The following PROSER2 variants were observed in gnomAD, a reference collection of about 807,000 sequenced individuals.
PROSER2 encodes proline and serine-rich protein 2.
Under a neutral mutation model 14.6 loss-of-function variants are expected in PROSER2, and 18 were observed. The ratio of observed to expected loss-of-function variants is 1.23; its 90% CI spans 0.85 to 1.83. The LOEUF (loss-of-function observed/expected upper bound fraction) is 1.83, where lower values mean the gene tolerates loss of function less well. PROSER2 is among the 40% of genes most tolerant of loss of function. The pLI is 0.00. For synonymous variants in PROSER2, 367 were observed against 286.4 expected (o/e 1.28, Z -2.84); for missense variants, 823 against 629.8 (o/e 1.31, Z -3.28).
chr10:11,834,319 G>C (rs116878542), intron 1 of PROSER2, among the ~76,000 whole-genome samples: 1,663 of 151,842 alleles, frequency 0.011, 8 homozygotes, highest in Non-Finnish European at 0.02. Flanking sequence ...TAGGAGACCT[G>C]GTTCAAATTG....
chr10:11,870,018 C>T lies in PROSER2; in HGVS notation c.920C>T (p.Pro307Leu), dbSNP rs1834442054. The change falls in exon 4 of 4, where the codon CCA becomes CTA. Residue 307 changes from proline to leucine, a missense_variant. Coordinates refer to ENST00000277570, the MANE Select transcript of PROSER2 (RefSeq NM_153256.4). ...GCGGGGGACGCCGGCGAGGGGGCCC[C>T]AGGGGGCGGCTCCTCCCCGGAGCGG... Reference protein sequence around the residue: ...PAAGDAGEGAPGGGSSPERVA... With the variant: ...PAAGDAGEGALGGGSSPERVA... The T allele has an allele frequency of 1.6e-6, 2 of 1,243,318 alleles. No individual in the cohort carries two copies. Among genetic ancestry groups the T allele is most frequent in the Non-Finnish European group, 2.0e-6 (2 of 994,744 alleles). The allele number at this position is 1,243,318 out of a possible 1,614,324, so 77.0% of individuals were successfully genotyped here. A position where few individuals can be genotyped will look rare whatever the true frequency, so the allele number is the denominator to read the frequency against.
At chr10:11,851,096 G>A (rs2131069640) in intron 1 of PROSER2, 1 of 152,476 alleles carries the variant, frequency 6.6e-6, no homozygotes, top group South Asian at 2.1e-4. Flanking sequence ...CAAGCCTGTA[G>A]TCCCAGCTAC....
chr10:11,843,086 GCC>G (rs1833871667), intron 1 of PROSER2, among the ~76,000 whole-genome samples: 1 of 149,740 alleles, frequency 6.7e-6, no homozygotes, highest in East Asian at 2.0e-4. Flanking sequence ...GATTACAGGC[GCC>G]CGCCACCATG....
chr10:11,852,300 AC>A, intron 2 of PROSER2, 85 bp downstream of exon 2: 1 of 1,425,868 alleles, frequency 7.0e-7, no homozygotes, highest in Non-Finnish European at 9.4e-7. Context: ...GGAATATTTT[AC>A]CAGATCTTTT....
rs1834329045 is a variant in PROSER2 at position 11,865,583 on chromosome 10, G to T, written c.139-948G>T. On this transcript the variant is annotated intron_variant, in intron 2 of 3. Transcript: ENST00000277570. This position sits in a 1 kb window ranked among gnomAD's most constrained non-coding sequence, Gnocchi z 4.2. Reference sequence around the variant, plus strand: ...TTCGTTGACTGTAATCTTTACCTGTGGATTGATCTTGCTGGGGAACCCTTG... The same window carrying T: ...TTCGTTGACTGTAATCTTTACCTGTTGATTGATCTTGCTGGGGAACCCTTG... Among the ~76,000 whole-genome samples the T allele has an allele frequency of 6.6e-6, 1 of 152,216 alleles. No homozygotes were observed. Among genetic ancestry groups the T allele is most frequent in the Non-Finnish European group, 1.5e-5 (1 of 68,032 alleles).
At chr10:11,853,305 T>G (rs1044901173) in intron 2 of PROSER2, among the ~76,000 whole-genome samples, 49 of 152,332 alleles carry the variant, frequency 3.2e-4, no homozygotes, top group African/African-American at 1.2e-3. Flanking sequence ...ATTATTTGAT[T>G]GGCCGGGCAC....
chr10:11,845,878 G>C (rs553460261), intron 1 of PROSER2, among the ~76,000 whole-genome samples: 7 of 152,276 alleles, frequency 4.6e-5, no homozygotes, highest in Admixed American at 2.6e-4. Context: ...TGGTTCTGGT[G>C]GGGGGACCCT....
chr10:11,835,392 A>G (rs1833746592), intron 1 of PROSER2, among the ~76,000 whole-genome samples: 1 of 152,210 alleles, frequency 6.6e-6, no homozygotes, highest in Admixed American at 6.5e-5. Flanking sequence ...GTGTGTCATG[A>G]TAACTAGGGT....
intron 1 of PROSER2, among the ~76,000 whole-genome samples, chr10:11,834,671 G>T (rs1034100270): frequency 6.6e-6 from 1 of 152,136 alleles, no homozygotes; most frequent in Non-Finnish European, 1.5e-5. Flanking sequence ...GGTGGTGGAG[G>T]TTGCAGTGAG....
In PROSER2 at chr10:11,848,142, TTTTTG is replaced by T. The variant is rs201389789; in HGVS notation, c.-81-3840_-81-3836del. ...TGGGAGTGTGCCCCACTCTGGTTTG[TTTTTG>T]TTTTGTTTTGTTTTTGTTTGTTTGT... On this transcript the variant is annotated intron_variant, in intron 1 of 3. Transcript: ENST00000277570. Among the ~76,000 whole-genome samples, 841 of 152,070 alleles carry T rather than the reference TTTTTG, an allele frequency of 5.5e-3. 12 individuals carry two copies. The highest frequency in any genetic ancestry group is 0.019 in the African/African-American group (774 of 41,462).
intron 2 of PROSER2, among the ~76,000 whole-genome samples, chr10:11,860,986 G>A (rs1484115011): frequency 6.6e-6 from 1 of 152,052 alleles, no homozygotes; most frequent in Admixed American, 6.5e-5. Context: ...TGCACCTGTA[G>A]TCCCAGCTAC....
At chr10:11,855,473 C>CA (rs71380787) in intron 2 of PROSER2, among the ~76,000 whole-genome samples, 1,067 of 102,482 alleles carry the variant, frequency 0.01, 17 homozygotes, top group African/African-American at 0.035. Context: ...GACTCCATCT[C>CA]AAAAAAAAAA....
chr10:11,847,280 C>T (rs571029915), intron 1 of PROSER2, among the ~76,000 whole-genome samples: 4 of 152,040 alleles, frequency 2.6e-5, no homozygotes, highest in Non-Finnish European at 5.9e-5. Flanking sequence ...TCAAAAACCA[C>T]TAACCATCTG....
chr10:11,857,757 A>AAG lies in PROSER2; in HGVS notation c.138+5543_138+5544insGA, dbSNP rs1554767527. Reference sequence around the variant, plus strand: ...GAGACCCCATCTAAAAAAAAAAAAAAAAAAAAAGAAACCCTAATTAAACCT... The same window carrying AAG: ...GAGACCCCATCTAAAAAAAAAAAAAAAGAAAAAAAGAAACCCTAATTAAACCT... On this transcript the variant is annotated intron_variant, in intron 2 of 3. Transcript: ENST00000277570. 4.0e-3 allele frequency among the ~76,000 whole-genome samples: 603 copies of AAG among 151,010 alleles called. 5 individuals are homozygous for AAG. The highest frequency in any genetic ancestry group is 0.014 in the African/African-American group (570 of 41,098).
intron 1 of PROSER2, among the ~76,000 whole-genome samples, chr10:11,849,206 A>C (rs896630745): frequency 6.6e-6 from 1 of 152,096 alleles, no homozygotes; most frequent in Non-Finnish European, 1.5e-5. Flanking sequence ...ACAAAAAAAC[A>C]AAGAGTTTAA....
Position 11,869,599 on chromosome 10 carries a change from C to A in PROSER2, c.501C>A (p.Thr167=), listed in dbSNP as rs779830357. Reference sequence around the variant, plus strand: ...TTGCGCCACCACCCCTGCCTAGCACCCCCGATCCCCCCAGGAGGGAGCTGC... The same window carrying A: ...TTGCGCCACCACCCCTGCCTAGCACACCCGATCCCCCCAGGAGGGAGCTGC... The part of the protein sequence containing the change: ...TLLAPPPLPS[T]PDPPRRELRA... Residue 167 remains threonine (T), a synonymous_variant, in exon 4 of 4, where the codon ACC becomes ACA. Transcript: ENST00000277570. The surrounding 1 kb of genome is among the most constrained non-coding windows in gnomAD (Gnocchi z 4.4). 1 of 1,605,266 alleles carries A rather than the reference C, an allele frequency of 6.2e-7. No homozygotes were observed. The highest frequency in any genetic ancestry group is 8.5e-7 in the Non-Finnish European group (1 of 1,173,618).
chr10:11,859,490 A>G (rs150916429), intron 2 of PROSER2, among the ~76,000 whole-genome samples: 17 of 152,306 alleles, frequency 1.1e-4, no homozygotes, highest in African/African-American at 3.1e-4. Context: ...GCCTTCTTCT[A>G]CCTTTCTAAC....
At position 11,823,804 on chromosome 10, in the gene PROSER2, C is replaced by T. The variant is rs547712389; in HGVS notation, c.-82+334C>T. ...TTCCCAGCCTTGGGCGCAGAGGGTC[C>T]CCGCTGTCCCCACCGTCCGTCCCCC... On this transcript the variant is annotated intron_variant, in intron 1 of 3. Coordinates refer to ENST00000277570, the MANE Select transcript of PROSER2 (RefSeq NM_153256.4). The surrounding 1 kb of genome is among the most constrained non-coding windows in gnomAD (Gnocchi z 6.2). 1.3e-5 allele frequency among the ~76,000 whole-genome samples: 2 copies of T among 152,106 alleles called. No homozygotes were observed. The highest frequency in any genetic ancestry group is 2.9e-5 in the Non-Finnish European group (2 of 68,004).
chr10:11,857,638 C>A (rs1036687164), intron 2 of PROSER2, among the ~76,000 whole-genome samples: 1 of 149,114 alleles, frequency 6.7e-6, no homozygotes, highest in Non-Finnish European at 1.5e-5. Flanking sequence ...CCAGCTGCTC[C>A]GGAGGCTGAG....
Sources: allele counts gnomAD v4.1 joint callset (sites outside exome capture counted in the v4.1 genomes callset), GRCh38; gene constraint gnomAD v4.1.1; non-coding constraint Gnocchi (gnomAD v3.1); transcripts MANE v1.5; gene names NCBI Gene and HGNC (gene_info 2026-07-23, HGNC 2026-07-21).